The following MEI4 variants were observed in gnomAD, a reference collection of about 807,000 sequenced individuals.
MEI4 encodes the protein meiosis-specific protein MEI4.
MEI4 carries 27 observed loss-of-function variants against 31.4 expected under a neutral mutation model. The ratio of observed to expected loss-of-function variants is 0.86; its 90% CI spans 0.63 to 1.19. The LOEUF (loss-of-function observed/expected upper bound fraction) is 1.19, where lower values mean the gene tolerates loss of function less well. MEI4 is among the 50% of genes most tolerant of loss of function. The probability of loss-of-function intolerance (pLI) is 0.00; values close to 1 mark genes in which losing one functional copy is unlikely to be tolerated. For synonymous variants in MEI4, 122 were observed against 145.4 expected, an observed-to-expected ratio of 0.84 and a Z score of 1.16; for missense variants, 329 against 398.9, an observed-to-expected ratio of 0.82 and a Z score of 1.49.
intron 3 of MEI4, among the ~76,000 whole-genome samples, chr6:77,818,115 TTTG>T (rs985460859): frequency 3.9e-5 from 6 of 152,104 alleles, no homozygotes; most frequent in African/African-American, 1.4e-4. Context: ...TTGTTTTGTT[TTTG>T]TTGTTGTTAT....
chr6:77,741,250 C>A (rs1767392554), intron 2 of MEI4, among the ~76,000 whole-genome samples: 1 of 152,082 alleles, frequency 6.6e-6, no homozygotes, highest in Non-Finnish European at 1.5e-5. Flanking sequence ...GACGAAGGGG[C>A]CACACAGTGA....
intron 1 of MEI4, among the ~76,000 whole-genome samples, chr6:77,664,438 G>A (rs949167182): frequency 1.3e-5 from 2 of 152,154 alleles, no homozygotes; most frequent in African/African-American, 4.8e-5. Flanking sequence ...TATGCCTTTG[G>A]CTCCAGCCAC....
rs578080109 is a variant in MEI4 at position 77,694,409 on chromosome 6, C to A, written c.232+3506C>A. Among the ~76,000 whole-genome samples, 211 of 151,304 alleles carry A rather than the reference C, an allele frequency of 1.4e-3. 1 individual carries two copies. Among genetic ancestry groups the A allele is most frequent in the African/African-American group, 5.0e-3 (205 of 41,064 alleles). On this transcript the variant is annotated intron_variant, in intron 2 of 4. Coordinates refer to ENST00000684080, the MANE Select transcript of MEI4 (RefSeq NM_001322247.2). ...GTATATCTCCTAATGCTATCCCTCCCCCTTCCCCCCACCCCACAACAGACC... is the reference window on the plus strand; with the variant it reads ...GTATATCTCCTAATGCTATCCCTCCACCTTCCCCCCACCCCACAACAGACC...
chr6:77,682,624 G>C (rs1451142991), intron 1 of MEI4, among the ~76,000 whole-genome samples: 2 of 152,150 alleles, frequency 1.3e-5, no homozygotes, highest in Admixed American at 1.3e-4. Flanking sequence ...GAGAGCCAGG[G>C]TTAAGAGTTG....
intron 4 of MEI4, among the ~76,000 whole-genome samples, chr6:77,872,724 T>TC (rs1275561843): frequency 2.4e-5 from 2 of 84,076 alleles, no homozygotes; most frequent in Non-Finnish European, 4.5e-5. Flanking sequence ...ATGCTATCCC[T>TC]CCCCCCTCCC....
In MEI4 at chr6:77,847,132, G is replaced by T. The variant is rs1770508322; in HGVS notation, c.900+18070G>T. Among the ~76,000 whole-genome samples, 1 of 152,026 alleles carries T rather than the reference G, an allele frequency of 6.6e-6. No individual in the cohort carries two copies. The highest frequency in any genetic ancestry group is 1.5e-5 in the Non-Finnish European group (1 of 67,990). On this transcript the variant is annotated intron_variant, in intron 4 of 4. Coordinates refer to ENST00000684080, the MANE Select transcript of MEI4 (RefSeq NM_001322247.2). The surrounding 1 kb of genome is among the most constrained non-coding windows in gnomAD (Gnocchi z 4.6). ...TTTTTTGGTGAGTTAATGAAAAATT[G>T]AAAATGAGTTTAAATAAAAGATTCA...
intron 3 of MEI4, among the ~76,000 whole-genome samples, chr6:77,789,625 A>G (rs2127695065): frequency 6.6e-6 from 1 of 152,354 alleles, no homozygotes; most frequent in East Asian, 1.9e-4. Context: ...AAAAGAAGAC[A>G]TGTATGCAGC....
chr6:77,912,857 A>C lies in MEI4; in HGVS notation c.901-10232A>C, dbSNP rs999127808. On this transcript the variant is annotated intron_variant, in intron 4 of 4. Transcript: ENST00000684080. The stretch of plus-strand genomic sequence containing the variant: ...GTACTATGTGGAATAAAAATATTAG[A>C]GTTAAACTAGGTATCTTTGTCTTGT... Among the ~76,000 whole-genome samples, 5 of 152,088 alleles carry C rather than the reference A, an allele frequency of 3.3e-5. No individual in the cohort carries two copies. The South Asian group carries it at 1.0e-3, about 31-fold the overall frequency.
chr6:77,684,143 G>C (rs1432899841), intron 1 of MEI4, among the ~76,000 whole-genome samples: 2 of 152,076 alleles, frequency 1.3e-5, no homozygotes, highest in African/African-American at 4.8e-5. Context: ...TTTTTAAAAA[G>C]TACACCTGTT....
chr6:77,695,745 G>A (rs962245921), intron 2 of MEI4, among the ~76,000 whole-genome samples: 60 of 152,080 alleles, frequency 3.9e-4, no homozygotes, highest in Non-Finnish European at 6.5e-4. Context: ...TTGGCAATGC[G>A]GGCTCTTTTT....
intron 4 of MEI4, among the ~76,000 whole-genome samples, chr6:77,910,925 G>GTTTTTTTTTTTTTTTT (rs58959367): frequency 1.7e-5 from 2 of 120,580 alleles, no homozygotes; most frequent in Non-Finnish European, 1.7e-5. Context: ...CCAGCTTCTG[G>GTTTTTTTTTTTTTTTT]TTTTTTTTTT....
intron 3 of MEI4, among the ~76,000 whole-genome samples, chr6:77,803,108 C>G (rs1437812255): frequency 6.6e-6 from 1 of 152,212 alleles, no homozygotes; most frequent in East Asian, 1.9e-4. Flanking sequence ...TTCAGGTACA[C>G]CAATCAGTTG....
rs563962492 is a variant in MEI4, at chr6:77,921,275, A to G, written c.901-1814A>G. Reference sequence around the variant, plus strand: ...ATGTTATAAAGGTGGCTTCTTCCCTAAGCCTCCTGAACCAGCCTCTGCTAT... The same window carrying G: ...ATGTTATAAAGGTGGCTTCTTCCCTGAGCCTCCTGAACCAGCCTCTGCTAT... On this transcript the variant is annotated intron_variant, in intron 4 of 4. Transcript: ENST00000684080. 2.0e-5 allele frequency among the ~76,000 whole-genome samples: 3 copies of G among 151,910 alleles called. No homozygotes were observed. The Admixed American group carries it at 2.0e-4, about 10-fold the overall frequency.
intron 1 of MEI4, among the ~76,000 whole-genome samples, chr6:77,657,183 G>A (rs1038127674): frequency 5.9e-5 from 9 of 152,018 alleles, no homozygotes; most frequent in Non-Finnish European, 2.9e-5. Flanking sequence ...GCTGGGAACT[G>A]GATTCCTTAA....
At chr6:77,850,146 G>A (rs1007070582) in intron 4 of MEI4, among the ~76,000 whole-genome samples, 3 of 152,104 alleles carry the variant, frequency 2.0e-5, no homozygotes, top group Non-Finnish European at 2.9e-5. Context: ...GTGGTTTGTA[G>A]TTCTCCTTGA....
intron 1 of MEI4, among the ~76,000 whole-genome samples, chr6:77,677,119 T>C (rs995597239): frequency 6.6e-6 from 1 of 152,236 alleles, no homozygotes; most frequent in South Asian, 2.1e-4. Context: ...GTGAGAAATA[T>C]AAGGTTTATT....
At chr6:77,783,988 T>C (rs966195366) in intron 3 of MEI4, among the ~76,000 whole-genome samples, 1 of 152,094 alleles carries the variant, frequency 6.6e-6, no homozygotes, top group Non-Finnish European at 1.5e-5. Context: ...TTAAGAGAAA[T>C]CAAGTTAAAC....
intron 4 of MEI4, among the ~76,000 whole-genome samples, chr6:77,877,610 G>C (rs1771373412): frequency 6.6e-6 from 1 of 151,746 alleles, no homozygotes; most frequent in Admixed American, 6.6e-5. Context: ...AGAAATGTCA[G>C]CTCTGGCCCT....
chr6:77,893,926 C>G (rs971590399), intron 4 of MEI4, among the ~76,000 whole-genome samples: 1 of 152,050 alleles, frequency 6.6e-6, no homozygotes, highest in Non-Finnish European at 1.5e-5. Context: ...AAAAAAATTT[C>G]TCCCATATAA....
Sources: gnomAD v4.1 joint callset for allele counts (sites outside exome capture counted in the v4.1 genomes callset) on GRCh38, gnomAD v4.1.1 for gene constraint, Gnocchi (gnomAD v3.1) non-coding constraint, MANE v1.5 for transcripts, NCBI Gene and HGNC (gene_info 2026-07-23, HGNC 2026-07-21) for gene names.